CCDC91: variants seen among roughly 807,000 people sequenced by gnomAD.
CCDC91 encodes the protein coiled-coil domain containing 91, also known as coiled-coil domain-containing protein 91.
A neutral mutation model predicts 63.2 loss-of-function variants in CCDC91; 48 were observed. The observed-to-expected ratio is 0.76, with a 90% CI of 0.60 to 0.97. CCDC91 has a LOEUF of 0.97. Ranked by LOEUF, CCDC91 falls within the 50% of genes least tolerant of loss-of-function variation. The pLI is 0.00. For synonymous variants in CCDC91, 167 were observed against 165.8 expected (o/e 1.01, Z -0.06); for missense variants, 500 against 494.6 (o/e 1.01, Z -0.10).
At chr12:28,487,848 T>G (rs949364215) in intron 12 of CCDC91, among the ~76,000 whole-genome samples, 15 of 151,830 alleles carry the variant, frequency 9.9e-5, no homozygotes, top group African/African-American at 3.6e-4. Flanking sequence ...CTAGTAGTCT[T>G]TCATTAGACA....
At chr12:28,243,211 A>G (rs563059643) in intron 1 of CCDC91, among the ~76,000 whole-genome samples, 1 of 152,254 alleles carries the variant, frequency 6.6e-6, no homozygotes, top group Non-Finnish European at 1.5e-5. Flanking sequence ...CGTGCAGGGT[A>G]TGGGAGTCAG....
At chr12:28,204,399 T>C (rs534367163) in intron 1 of CCDC91, among the ~76,000 whole-genome samples, 1 of 152,326 alleles carries the variant, frequency 6.6e-6, no homozygotes, top group East Asian at 1.9e-4. Flanking sequence ...TGCATTTATT[T>C]TGATTATTAA....
At chr12:28,224,860 A>T (rs954094617) in intron 1 of CCDC91, among the ~76,000 whole-genome samples, 3 of 152,210 alleles carry the variant, frequency 2.0e-5, no homozygotes, top group Non-Finnish European at 2.9e-5. Flanking sequence ...CAGAATTACA[A>T]CGGTAAATAA....
At chr12:28,265,104 G>A (rs985300655) in intron 3 of CCDC91, among the ~76,000 whole-genome samples, 9 of 152,020 alleles carry the variant, frequency 5.9e-5, no homozygotes, top group Admixed American at 5.3e-4. Flanking sequence ...TGTGGGTGGT[G>A]CTGTTTTAGA....
At chr12:28,514,870 G>A (rs1161879169) in intron 12 of CCDC91, among the ~76,000 whole-genome samples, 2 of 151,704 alleles carry the variant, frequency 1.3e-5, no homozygotes, top group Non-Finnish European at 2.9e-5. Flanking sequence ...CTACTAGAGG[G>A]TAGAGGGTGG....
intron 7 of CCDC91, among the ~76,000 whole-genome samples, chr12:28,383,449 GTTTC>G (rs1945414130): frequency 6.6e-6 from 1 of 152,096 alleles, no homozygotes; most frequent in Non-Finnish European, 1.5e-5. Flanking sequence ...GAACTTGTTT[GTTTC>G]TTAATTCAGC....
chr12:28,469,408 TA>T (rs954642376), intron 11 of CCDC91, among the ~76,000 whole-genome samples: 3 of 151,960 alleles, frequency 2.0e-5, no homozygotes, highest in African/African-American at 7.2e-5. Context: ...CAATAAAAAC[TA>T]TAAAACACTG....
intron 8 of CCDC91, among the ~76,000 whole-genome samples, chr12:28,394,057 G>GT (rs953999111): frequency 6.6e-6 from 1 of 152,170 alleles, no homozygotes; most frequent in African/African-American, 2.4e-5. Flanking sequence ...TTAAAATGAC[G>GT]TAACGAAATG....
intron 8 of CCDC91, among the ~76,000 whole-genome samples, chr12:28,420,112 A>T (rs1947913325): frequency 6.6e-6 from 1 of 152,138 alleles, no homozygotes; most frequent in Non-Finnish European, 1.5e-5. Context: ...ATAATCAGTT[A>T]TTCAGTAAAA....
chr12:28,458,374 G>A (rs11049623), intron 11 of CCDC91, among the ~76,000 whole-genome samples: 56,708 of 142,690 alleles, frequency 0.4, 11,245 homozygotes, highest in Middle Eastern at 0.51. Context: ...TGAGATGTCT[G>A]TAATACAACA....
intron 8 of CCDC91, among the ~76,000 whole-genome samples, chr12:28,432,214 A>C (rs1948667906): frequency 6.6e-6 from 1 of 151,870 alleles, no homozygotes; most frequent in African/African-American, 2.4e-5. Context: ...CATTCTTTGG[A>C]TGTACCACAG....
At chr12:28,377,608 T>C (rs1945029225) in intron 7 of CCDC91, among the ~76,000 whole-genome samples, 1 of 151,968 alleles carries the variant, frequency 6.6e-6, no homozygotes, top group Non-Finnish European at 1.5e-5. Flanking sequence ...TACATTCATT[T>C]TGAAACCAGA....
intron 12 of CCDC91, among the ~76,000 whole-genome samples, chr12:28,493,978 A>G (rs994037730): frequency 6.6e-6 from 1 of 151,686 alleles, no homozygotes; most frequent in Non-Finnish European, 1.5e-5. Context: ...GGATTAGCTA[A>G]AACAAGTTCA....
At chr12:28,503,019 A>G (rs1229408253) in intron 12 of CCDC91, among the ~76,000 whole-genome samples, 2 of 152,152 alleles carry the variant, frequency 1.3e-5, no homozygotes, top group Non-Finnish European at 2.9e-5. Context: ...GGACATAGGC[A>G]TGGGCAAGGA....
intron 8 of CCDC91, among the ~76,000 whole-genome samples, chr12:28,433,390 A>T (rs1411550357): frequency 6.6e-6 from 1 of 151,872 alleles, no homozygotes; most frequent in Non-Finnish European, 1.5e-5. Context: ...ATTAATTTTC[A>T]TGAAAGTTAT....
At chr12:28,211,457 G>T (rs868623858) in intron 1 of CCDC91, among the ~76,000 whole-genome samples, 1 of 152,018 alleles carries the variant, frequency 6.6e-6, no homozygotes, top group Non-Finnish European at 1.5e-5. Flanking sequence ...TTTCAAAATT[G>T]CCCCCAGATG....
chr12:28,315,356 C>G (rs552323938), intron 6 of CCDC91, among the ~76,000 whole-genome samples: 17 of 151,492 alleles, frequency 1.1e-4, no homozygotes, highest in East Asian at 5.9e-4. Context: ...AGTAGAGATG[C>G]GGTCTCACCA....
intron 3 of CCDC91, among the ~76,000 whole-genome samples, chr12:28,293,576 C>T (rs774934393): frequency 2.6e-5 from 4 of 152,178 alleles, no homozygotes; most frequent in Non-Finnish European, 5.9e-5. Flanking sequence ...TCTCTTTAGG[C>T]ATTTAATGAT....
chr12:28,471,528 A>T (rs1032513660), intron 11 of CCDC91, among the ~76,000 whole-genome samples: 1 of 152,144 alleles, frequency 6.6e-6, no homozygotes, highest in Non-Finnish European at 1.5e-5. Context: ...GGACTGAGGG[A>T]GATCTCAGAA....
Sources: gnomAD v4.1 joint callset for allele counts (sites outside exome capture counted in the v4.1 genomes callset) on GRCh38, gnomAD v4.1.1 for gene constraint, MANE v1.5 for transcripts, NCBI Gene and HGNC (gene_info 2026-07-23, HGNC 2026-07-21) for gene names.